Variants in DCUN1D5 observed in about 807,000 individuals in gnomAD.
DCUN1D5 encodes DCN1-like protein 5.
Under a neutral mutation model 38.3 loss-of-function variants are expected in DCUN1D5, and 10 were observed. That is an observed-to-expected ratio of 0.26 (90% CI 0.16 to 0.44). The LOEUF (loss-of-function observed/expected upper bound fraction) is 0.44, where lower values mean the gene tolerates loss of function less well. DCUN1D5 is among the 20% of genes least tolerant of loss of function. The pLI is 1.00. For missense variants in DCUN1D5, 148 were observed against 275.3 expected (o/e 0.54, Z 3.27); for synonymous variants, 93 against 90.9 (o/e 1.02, Z -0.13).
At chr11:103,082,719 C>A (rs1292369694) in intron 4 of DCUN1D5, 29 bp downstream of exon 4, 3 of 1,461,416 alleles carry the variant, frequency 2.1e-6, no homozygotes, top group African/African-American at 1.4e-5. Flanking sequence ...AATAGGCCAT[C>A]AAATTTGTTT....
In DCUN1D5 at chr11:103,066,434, A is replaced by T; in HGVS notation, c.450+25T>A. 6.3e-6 allele frequency: 10 copies of T among 1,594,378 alleles called. No homozygotes were observed. The highest frequency in any genetic ancestry group is 8.6e-6 in the Non-Finnish European group (10 of 1,166,384). Reference sequence around the variant, plus strand: ...TCTCAAGATGAAAAGCTATTAAAACAACAAAACAAGAAAATTGCACCTACC... The same window carrying T: ...TCTCAAGATGAAAAGCTATTAAAACTACAAAACAAGAAAATTGCACCTACC... On this transcript the variant is annotated intron_variant, in intron 5 of 7. Transcript: ENST00000260247. The surrounding 1 kb of genome is among the most constrained non-coding windows in gnomAD (Gnocchi z 4.7).
chr11:103,066,253 G>A lies in DCUN1D5; in HGVS notation c.555+16C>T, dbSNP rs756710585. The A allele has an allele frequency of 3.1e-5, 45 of 1,475,292 alleles. No individual in the cohort carries two copies. In the Middle Eastern group the frequency reaches 5.3e-4, roughly 17 times the overall value. The allele number at this position is 1,475,292 out of a possible 1,614,324, so 91.4% of individuals were successfully genotyped here. ...TTTTAAAATAATATTTTCAAAATTC[G>A]AAAAAACATACGTACCTCCAGGTAC... On this transcript the variant is annotated intron_variant, in intron 6 of 7. Transcript: ENST00000260247. The surrounding 1 kb of genome is among the most constrained non-coding windows in gnomAD (Gnocchi z 4.7).
intron 4 of DCUN1D5, among the ~76,000 whole-genome samples, chr11:103,068,605 T>C (rs1478943408): frequency 6.6e-6 from 1 of 152,130 alleles, no homozygotes; most frequent in African/African-American, 2.4e-5. Flanking sequence ...ATATCACATG[T>C]ACTCACTTAT....
rs1211981261 is a variant in DCUN1D5 at position 103,073,904 on chromosome 11, C to T, written c.342-7337G>A. On this transcript the variant is annotated intron_variant, in intron 4 of 7. Transcript: ENST00000260247. The surrounding 1 kb of genome is among the most constrained non-coding windows in gnomAD (Gnocchi z 4.2). ...CCTGGCCAACATGGTGAAATCCTGTCACTACTAAAAAATAGAAAAATTAGC... is the reference window on the plus strand; with the variant it reads ...CCTGGCCAACATGGTGAAATCCTGTTACTACTAAAAAATAGAAAAATTAGC... Among the ~76,000 whole-genome samples the T allele has an allele frequency of 1.3e-5, 2 of 152,052 alleles. No individual in the cohort carries two copies. The highest frequency in any genetic ancestry group is 2.9e-5 in the Non-Finnish European group (2 of 68,010).
intron 4 of DCUN1D5, among the ~76,000 whole-genome samples, chr11:103,074,405 G>GTGTT (rs896504673): frequency 1.5e-4 from 23 of 152,068 alleles, no homozygotes; most frequent in South Asian, 1.0e-3. Context: ...CATCTGCTGA[G>GTGTT]TGTTTGTTTG....
rs60686420 is a variant in DCUN1D5 at position 103,070,114 on chromosome 11, C to CA, written c.342-3548dup. On this transcript the variant is annotated intron_variant, in intron 4 of 7. Transcript: ENST00000260247. ...AAAATGAAAAAATATAAAGTCTCAG[C>CA]AAAAAAAAAAAAGTCCAAGGACAAA... Among the ~76,000 whole-genome samples the CA allele has an allele frequency of 5.5e-3, 727 of 131,886 alleles. 3 individuals carry two copies. Among genetic ancestry groups the CA allele is most frequent in the African/African-American group, 0.015 (527 of 35,768 alleles). The allele number at this position is 131,886 out of a possible 152,430, so 86.5% of individuals were successfully genotyped here.
Position 103,086,916 on chromosome 11 carries a change from T to C in DCUN1D5, c.178+2311A>G, listed in dbSNP as rs141682484. Among the ~76,000 whole-genome samples, 4 of 151,828 alleles carry C rather than the reference T, an allele frequency of 2.6e-5. No homozygotes were observed. The highest frequency in any genetic ancestry group is 9.6e-5 in the African/African-American group (4 of 41,502). On this transcript the variant is annotated intron_variant, in intron 2 of 7. Transcript: ENST00000260247. The surrounding 1 kb of genome is among the most constrained non-coding windows in gnomAD (Gnocchi z 4.1). The stretch of plus-strand genomic sequence containing the variant: ...TTTAAATAAAAAATACATAAAAGCA[T>C]AGTAGTTAAAAGCATGGACTTTAGA...
At position 103,065,722 on chromosome 11, in the gene DCUN1D5, C is replaced by T. The variant is rs960263376; in HGVS notation, c.555+547G>A. On this transcript the variant is annotated intron_variant, in intron 6 of 7. Coordinates refer to ENST00000260247, the MANE Select transcript of DCUN1D5 (RefSeq NM_032299.4). This position sits in a 1 kb window ranked among gnomAD's most constrained non-coding sequence, Gnocchi z 4.6. ...CTATGATAAACCTTCTAAAAGAACA[C>T]GTCATCATTTCAGCTTACATTTTTT... Among the ~76,000 whole-genome samples the T allele has an allele frequency of 1.3e-5, 2 of 151,908 alleles. No individual in the cohort carries two copies. The highest frequency in any genetic ancestry group is 4.1e-4 in the South Asian group (2 of 4,826).
chr11:103,058,123 T>C lies in DCUN1D5; in HGVS notation c.*4236A>G, dbSNP rs1393663020. The stretch of plus-strand genomic sequence containing the variant: ...TAGGTTAAAATCTAACCTTACTATA[T>C]AGTGTTACTAGATGTATTTTAAGGA... On this transcript the variant is annotated 3_prime_UTR_variant, in exon 8 of 8. Coordinates refer to ENST00000260247, the MANE Select transcript of DCUN1D5 (RefSeq NM_032299.4). 2.0e-5 allele frequency among the ~76,000 whole-genome samples: 3 copies of C among 152,206 alleles called. No homozygotes were observed. Among genetic ancestry groups the C allele is most frequent in the South Asian group, 2.1e-4 (1 of 4,832 alleles).
At chr11:103,075,423 C>T (rs538822547) in intron 4 of DCUN1D5, among the ~76,000 whole-genome samples, 2 of 152,116 alleles carry the variant, frequency 1.3e-5, no homozygotes, top group East Asian at 1.9e-4. Flanking sequence ...ACTCTGTCGC[C>T]CAGGCTGGAG....
rs1324899695 is a variant in DCUN1D5, at chr11:103,053,430, A to T, written c.*8929T>A. 6.6e-6 allele frequency: 1 copy of T among 152,148 alleles called. No homozygotes were observed. Among genetic ancestry groups the T allele is most frequent in the Non-Finnish European group, 1.5e-5 (1 of 67,980 alleles). The allele number at this position is 152,148 out of a possible 1,614,324, so 9.4% of individuals were successfully genotyped here. ...CAGAAGAAATAAGACCTGGTGTTCG[A>T]TATATCAGTAGGATGACTGATCTAT... On this transcript the variant is annotated 3_prime_UTR_variant, in exon 8 of 8. Coordinates refer to ENST00000260247, the MANE Select transcript of DCUN1D5 (RefSeq NM_032299.4). The surrounding 1 kb of genome is among the most constrained non-coding windows in gnomAD (Gnocchi z 4.8).
Position 103,060,961 on chromosome 11 carries a change from C to T in DCUN1D5, c.*1398G>A, listed in dbSNP as rs988001102. Among the ~76,000 whole-genome samples the T allele has an allele frequency of 6.6e-6, 1 of 152,104 alleles. No homozygotes were observed. The highest frequency in any genetic ancestry group is 1.5e-5 in the Non-Finnish European group (1 of 68,002). ...TTCTGTATTATCCTTTTCTATAAGACATTTAGGAAAACTGTCTCCCACTAT... is the reference window on the plus strand; with the variant it reads ...TTCTGTATTATCCTTTTCTATAAGATATTTAGGAAAACTGTCTCCCACTAT... On this transcript the variant is annotated 3_prime_UTR_variant, in exon 8 of 8. Coordinates refer to ENST00000260247, the MANE Select transcript of DCUN1D5 (RefSeq NM_032299.4).
rs190965636 is a variant in DCUN1D5, at chr11:103,055,140, G to C, written c.*7219C>G. On this transcript the variant is annotated 3_prime_UTR_variant, in exon 8 of 8. Coordinates refer to ENST00000260247, the MANE Select transcript of DCUN1D5 (RefSeq NM_032299.4). ...GCAGCTAATTTTATTTTTCTCTTGG[G>C]AACAGAGTAAACTGTTGTACACCTG... 2.0e-4 allele frequency: 31 copies of C among 152,122 alleles called. No individual in the cohort carries two copies. Among genetic ancestry groups the C allele is most frequent in the Admixed American group, 1.9e-3 (29 of 15,278 alleles). The allele number at this position is 152,122 out of a possible 1,614,324, so 9.4% of individuals were successfully genotyped here. A position where few individuals can be genotyped will look rare whatever the true frequency, so the allele number is the denominator to read the frequency against.
At chr11:103,085,529 G>C (rs1862683071) in intron 2 of DCUN1D5, among the ~76,000 whole-genome samples, 1 of 152,192 alleles carries the variant, frequency 6.6e-6, no homozygotes, top group Non-Finnish European at 1.5e-5. Context: ...TTGGTTAGAA[G>C]CAAGTCAAAT....
rs753021349 is a variant in DCUN1D5 at position 103,055,136 on chromosome 11, T to C, written c.*7223A>G. On this transcript the variant is annotated 3_prime_UTR_variant, in exon 8 of 8. Transcript: ENST00000260247. Reference sequence around the variant, plus strand: ...GCCTGCAGCTAATTTTATTTTTCTCTTGGGAACAGAGTAAACTGTTGTACA... The same window carrying C: ...GCCTGCAGCTAATTTTATTTTTCTCCTGGGAACAGAGTAAACTGTTGTACA... 2.0e-5 allele frequency: 3 copies of C among 152,208 alleles called. No individual in the cohort carries two copies. The highest frequency in any genetic ancestry group is 1.3e-4 in the Admixed American group (2 of 15,276). 9.4% of individuals were successfully genotyped at this position (152,208 alleles called of 1,614,324 possible).
At position 103,086,851 on chromosome 11, in the gene DCUN1D5, TATA is replaced by T. The variant is rs1172243427; in HGVS notation, c.178+2373_178+2375del. On this transcript the variant is annotated intron_variant, in intron 2 of 7. Coordinates refer to ENST00000260247, the MANE Select transcript of DCUN1D5 (RefSeq NM_032299.4). This position sits in a 1 kb window ranked among gnomAD's most constrained non-coding sequence, Gnocchi z 4.1. ...AAAATAAACATAAAATAATATCTATTATAATAAAATGTTTATAACTATATATAA... is the reference window on the plus strand; with the variant it reads ...AAAATAAACATAAAATAATATCTATTATAAAATGTTTATAACTATATATAA... Among the ~76,000 whole-genome samples the T allele has an allele frequency of 4.0e-5, 6 of 151,714 alleles. No homozygotes were observed. The East Asian group carries it at 1.2e-3, about 29-fold the overall frequency.
rs928437568 is a variant in DCUN1D5 at position 103,077,365 on chromosome 11, T to C, written c.341+5383A>G. On this transcript the variant is annotated intron_variant, in intron 4 of 7. Coordinates refer to ENST00000260247, the MANE Select transcript of DCUN1D5 (RefSeq NM_032299.4). This position sits in a 1 kb window ranked among gnomAD's most constrained non-coding sequence, Gnocchi z 4.3. ...ATACTAACATCAATACCTCAGAAAT[T>C]GGGAAGTTTAGAAAAAAGAATATTT... is the stretch of plus-strand genomic sequence containing the variant. Among the ~76,000 whole-genome samples, 3 of 151,982 alleles carry C rather than the reference T, an allele frequency of 2.0e-5. No individual in the cohort carries two copies. The highest frequency in any genetic ancestry group is 3.9e-4 in the East Asian group (2 of 5,190).
chr11:103,089,468 T>A, intron 1 of DCUN1D5, 150 bp from the exon 2 acceptor site: 1 of 632,434 alleles, frequency 1.6e-6, no homozygotes, highest in Non-Finnish European at 2.6e-6. Flanking sequence ...AGTTGTTAAG[T>A]AATTGCAACT....
At chr11:103,088,048 T>C (rs1862758372) in intron 2 of DCUN1D5, among the ~76,000 whole-genome samples, 1 of 152,176 alleles carries the variant, frequency 6.6e-6, no homozygotes, top group South Asian at 2.1e-4. Context: ...TTATTTCTGG[T>C]CTAGAAAGAA....
Sources: allele counts gnomAD v4.1 joint callset (sites outside exome capture counted in the v4.1 genomes callset), GRCh38; gene constraint gnomAD v4.1.1; non-coding constraint Gnocchi (gnomAD v3.1); transcripts MANE v1.5; gene names NCBI Gene and HGNC (gene_info 2026-07-23, HGNC 2026-07-21).